The following ELAC2 variants were observed in gnomAD, a reference collection of about 807,000 sequenced individuals.
ELAC2 encodes elaC ribonuclease Z 2, also known as zinc phosphodiesterase ELAC protein 2.
A neutral mutation model predicts 105.2 loss-of-function variants in ELAC2; 92 were observed. The observed-to-expected ratio is 0.87, with a 90% confidence interval of 0.74 to 1.04. The LOEUF is 1.04. Ranked by LOEUF, ELAC2 falls within the 50% of genes least tolerant of loss-of-function variation. ELAC2 has a pLI of 0.00. For missense variants in ELAC2, 1,099 were observed against 1,071.7 expected, an observed-to-expected ratio of 1.03 and a Z score of -0.36; for synonymous variants, 468 against 409.1, an observed-to-expected ratio of 1.14 and a Z score of -1.74.
rs573861486 is a variant in ELAC2, at chr17:13,017,042, C to T, written c.296+29G>A. The T allele has an allele frequency of 2.5e-6, 4 of 1,613,860 alleles. No individual in the cohort carries two copies. In the African/African-American group the frequency reaches 5.3e-5, roughly 22 times the overall value. On this transcript the variant is annotated intron_variant, in intron 2 of 23. Transcript: ENST00000338034. The stretch of plus-strand genomic sequence containing the variant: ...CGGCTTTCAAGCCCCGTAATCAACT[C>T]CCCCTCCGAAAGCAAGAGACTGACT...
At chr17:13,005,611 CA>C in intron 10 of ELAC2, 141 bp downstream of exon 10, 2 of 830,560 alleles carry the variant, frequency 2.4e-6, no homozygotes, top group Non-Finnish European at 4.1e-6. Context: ...TAAAAGAGGC[CA>C]TTTTATCACT....
rs2040243662 is a variant in ELAC2, at chr17:12,992,695, C to G, written c.*123G>C. The G allele has an allele frequency of 9.3e-6, 11 of 1,182,934 alleles. No individual in the cohort carries two copies. The highest frequency in any genetic ancestry group is 1.3e-5 in the Non-Finnish European group (11 of 820,230). The allele number at this position is 1,182,934 out of a possible 1,614,324, so 73.3% of individuals were successfully genotyped here. A position where few individuals can be genotyped will look rare whatever the true frequency, so the allele number is the denominator to read the frequency against. ...CAAGCCTCGGCACAGCTCCATACCA[C>G]CTATCCTGAGCTGCCTCCTGGGGGA... On this transcript the variant is annotated 3_prime_UTR_variant, in exon 24 of 24. Coordinates refer to ENST00000338034, the MANE Select transcript of ELAC2 (RefSeq NM_018127.7).
chr17:12,998,426 T>C lies in ELAC2; in HGVS notation c.1506A>G (p.Thr502=), dbSNP rs962470752. The change falls in exon 16 of 24, where the codon ACA becomes ACG. Residue 502 remains threonine, a synonymous_variant. Transcript: ENST00000338034. ...IPMKIRNVSA[T]LVNISPDTSL... ...AAGCAGCATACCTTATGTTGACAAG[T>C]GTGGCACTGACATTTCGAATCTTCA... 6.2e-7 allele frequency: 1 copy of C among 1,614,130 alleles called. No individual in the cohort carries two copies. The highest frequency in any genetic ancestry group is 8.5e-7 in the Non-Finnish European group (1 of 1,179,976).
chr17:13,002,792 G>C, intron 12 of ELAC2: 1 of 703,142 alleles, frequency 1.4e-6, no homozygotes, highest in Non-Finnish European at 2.4e-6. Flanking sequence ...AGGTGTGCTG[G>C]GAAGAGTGAG....
Position 12,996,636 on chromosome 17 carries a change from G to A in ELAC2, c.1570C>T (p.Leu524=). The change falls in exon 17 of 24, where the codon CTG becomes TTG. Residue 524 remains leucine (L), a synonymous_variant. Transcript: ENST00000338034. The stretch of plus-strand genomic sequence containing the variant: ...ACCTGGTCTCCGTAATGACGGCACA[G>A]CTGCCCAAATGTGCCCTCACCACAG... The part of the protein sequence containing the change: ...LDCGEGTFGQ[L]CRHYGDQVDR... 1.9e-6 allele frequency: 3 copies of A among 1,614,064 alleles called. No homozygotes were observed. Among genetic ancestry groups the A allele is most frequent in the Non-Finnish European group, 2.5e-6 (3 of 1,180,028 alleles).
In ELAC2 at chr17:13,005,111, CA is replaced by C. The variant is rs781302974; in HGVS notation, c.871-11del. 53 of 1,603,488 alleles carry C rather than the reference CA, an allele frequency of 3.3e-5. No homozygotes were observed. The highest frequency in any genetic ancestry group is 4.5e-5 in the Non-Finnish European group (53 of 1,170,486). Reference sequence around the variant, plus strand: ...GCTCTTCAGCCAAAATCTGCAAAACCAAATAAGCCCGCCCACTGGGGGTCAC... The same window carrying C: ...GCTCTTCAGCCAAAATCTGCAAAACCAATAAGCCCGCCCACTGGGGGTCAC... On this transcript the variant is annotated splice_polypyrimidine_tract_variant and intron_variant, in intron 10 of 23. Coordinates refer to ENST00000338034, the MANE Select transcript of ELAC2 (RefSeq NM_018127.7).
intron 5 of ELAC2, among the ~76,000 whole-genome samples, chr17:13,013,748 G>A (rs1310228001): frequency 5.3e-5 from 8 of 152,176 alleles, no homozygotes; most frequent in Non-Finnish European, 1.2e-4. Context: ...CCCATCAAGA[G>A]GCTGTAAGCC....
At position 12,994,367 on chromosome 17, in the gene ELAC2, G is replaced by T. The variant is rs1005165508; in HGVS notation, c.2108+58C>A. The T allele has an allele frequency of 4.4e-6, 7 of 1,590,216 alleles. No individual in the cohort carries two copies. The Admixed American group carries it at 1.2e-4, about 27-fold the overall frequency. Reference sequence around the variant, plus strand: ...TGGAGACAAACGACGGCTGCTCAGTGTCACGTAGTGGGGGAGGGAGAGGAT... The same window carrying T: ...TGGAGACAAACGACGGCTGCTCAGTTTCACGTAGTGGGGGAGGGAGAGGAT... On this transcript the variant is annotated intron_variant, in intron 22 of 23. Coordinates refer to ENST00000338034, the MANE Select transcript of ELAC2 (RefSeq NM_018127.7).
chr17:13,003,882 A>G, intron 11 of ELAC2: 1 of 367,378 alleles, frequency 2.7e-6, no homozygotes, highest in Admixed American at 4.1e-5. Flanking sequence ...CCAACCTGCA[A>G]AGCCAGACCC....
At chr17:13,013,059 A>T in intron 6 of ELAC2, 148 bp downstream of exon 6, 1 of 859,666 alleles carries the variant, frequency 1.2e-6, no homozygotes, top group Non-Finnish European at 1.9e-6. Context: ...GGCAGGAGCC[A>T]TATCTTCATT....
At chr17:13,015,723 C>A (rs1389335771) in intron 4 of ELAC2, 45 bp downstream of exon 4, 2 of 1,548,466 alleles carry the variant, frequency 1.3e-6, no homozygotes, top group Admixed American at 1.7e-5. Flanking sequence ...ACTGATATTA[C>A]AAAAGGAAAG....
At chr17:12,993,614 C>G (rs2040314764) in intron 23 of ELAC2, 73 bp downstream of exon 23, 1 of 1,602,894 alleles carries the variant, frequency 6.2e-7, no homozygotes, top group African/African-American at 1.3e-5. Context: ...TCCAGCTGAC[C>G]GTCCTACTCA....
intron 8 of ELAC2, among the ~76,000 whole-genome samples, chr17:13,008,004 T>C (rs1598248331): frequency 6.7e-6 from 1 of 150,264 alleles, no homozygotes; most frequent in South Asian, 2.1e-4. Flanking sequence ...AGTTCGAGAC[T>C]AGCCTGGCCA....
chr17:13,006,116 A>C (rs2041094386), intron 8 of ELAC2, 137 bp from the exon 9 acceptor site: 1 of 888,082 alleles, frequency 1.1e-6, no homozygotes, highest in African/African-American at 1.7e-5. Flanking sequence ...CACGCCTGTA[A>C]TTCCAGTACT....
intron 22 of ELAC2, 109 bp from the exon 23 acceptor site, chr17:12,993,940 G>T (rs1242714578): frequency 1.2e-5 from 19 of 1,543,106 alleles, no homozygotes; most frequent in Non-Finnish European, 1.6e-5. Flanking sequence ...GGGGAAGCTG[G>T]TGGGTTTTCT....
In ELAC2 at chr17:13,017,991, G is replaced by T. The variant is rs1236175466; in HGVS notation, c.-44C>A. 1.2e-5 allele frequency: 19 copies of T among 1,533,794 alleles called. No homozygotes were observed. The highest frequency in any genetic ancestry group is 1.4e-5 in the Non-Finnish European group (16 of 1,146,544). ...ACTGAGAAAGCCGCCGGTCACCTAC[G>T]CCCGCGTTTCCCGTGCACCACCTAG... On this transcript the variant is annotated 5_prime_UTR_variant, in exon 1 of 24. Transcript: ENST00000338034.
intron 7 of ELAC2, among the ~76,000 whole-genome samples, chr17:13,011,029 T>G (rs2041382822): frequency 6.6e-6 from 1 of 152,204 alleles, no homozygotes; most frequent in South Asian, 2.1e-4. Context: ...TTCAAAGGCC[T>G]GCAGAGAAAA....
chr17:13,015,353 C>T (rs1293863297), intron 4 of ELAC2, among the ~76,000 whole-genome samples: 1 of 152,180 alleles, frequency 6.6e-6, no homozygotes, highest in Non-Finnish European at 1.5e-5. Context: ...TTCAACAACA[C>T]ACACACGCCT....
chr17:13,014,912 G>A (rs1365850548), intron 4 of ELAC2, among the ~76,000 whole-genome samples: 1 of 152,222 alleles, frequency 6.6e-6, no homozygotes, highest in East Asian at 1.9e-4. Context: ...AAGAGGCAGA[G>A]GGAACCCGCG....
Sources: gnomAD v4.1 joint callset for allele counts (sites outside exome capture counted in the v4.1 genomes callset) on GRCh38, gnomAD v4.1.1 for gene constraint, MANE v1.5 for transcripts, NCBI Gene and HGNC (gene_info 2026-07-23, HGNC 2026-07-21) for gene names.